NUP210L: variants seen among roughly 807,000 people sequenced by gnomAD.
NUP210L encodes the protein nuclear pore membrane glycoprotein 210-like.
In NUP210L, 74 loss-of-function variants were observed where a neutral mutation model predicts 208.5. The observed-to-expected ratio is 0.35, with a 90% CI of 0.29 to 0.43. NUP210L has a LOEUF of 0.43. Ranked by LOEUF, NUP210L falls within the 20% of genes least tolerant of loss-of-function variation. The pLI is 1.00. For synonymous variants in NUP210L, 780 were observed against 816.9 expected, an observed-to-expected ratio of 0.95 and a Z score of 0.77; for missense variants, 1,843 against 2,289.4, an observed-to-expected ratio of 0.81 and a Z score of 3.98.
intron 10 of NUP210L, among the ~76,000 whole-genome samples, chr1:154,122,059 A>C (rs1023109867): frequency 1.3e-5 from 2 of 152,188 alleles, no homozygotes; most frequent in African/African-American, 4.8e-5. Flanking sequence ...CAGAAAGAAA[A>C]CAAGAGAGAC....
At chr1:154,065,116 AAAATAAAATAAAAT>A (rs1654335398) in intron 17 of NUP210L, among the ~76,000 whole-genome samples, 1 of 147,920 alleles carries the variant, frequency 6.8e-6, no homozygotes, top group Non-Finnish European at 1.5e-5. Context: ...AAAATAAAAT[AAAATAAAATAAAAT>A]AAAATAAAAT....
chr1:154,102,723 G>A (rs1656530063), intron 13 of NUP210L, among the ~76,000 whole-genome samples: 1 of 152,136 alleles, frequency 6.6e-6, no homozygotes, highest in African/African-American at 2.4e-5. Context: ...GATCAAATAA[G>A]AAGTTCAATA....
chr1:154,150,143 G>C (rs1659310790), intron 2 of NUP210L, among the ~76,000 whole-genome samples: 1 of 152,194 alleles, frequency 6.6e-6, no homozygotes, highest in Admixed American at 6.5e-5. Flanking sequence ...GGGAGGCTGA[G>C]GCGGGCAGAT....
chr1:154,073,828 A>AT (rs1654897556), intron 16 of NUP210L, among the ~76,000 whole-genome samples: 1 of 149,750 alleles, frequency 6.7e-6, no homozygotes, highest in Non-Finnish European at 1.5e-5. Context: ...AAATAAATAA[A>AT]TAAATAAATA....
intron 7 of NUP210L, among the ~76,000 whole-genome samples, chr1:154,134,228 G>A (rs1207885124): frequency 3.3e-5 from 5 of 151,390 alleles, no homozygotes. Flanking sequence ...TGTATACCCA[G>A]AGCTTAGAAC....
intron 13 of NUP210L, among the ~76,000 whole-genome samples, chr1:154,100,850 T>A (rs369122985): frequency 6.6e-6 from 1 of 151,762 alleles, no homozygotes; most frequent in African/African-American, 2.4e-5. Context: ...GATTAAGCTA[T>A]GAAAATATAA....
intron 12 of NUP210L, among the ~76,000 whole-genome samples, chr1:154,105,630 T>G (rs1195614383): frequency 6.6e-6 from 1 of 152,190 alleles, no homozygotes; most frequent in African/African-American, 2.4e-5. Context: ...GAGCAGAGAC[T>G]TCTTCTGCTT....
At chr1:154,133,479 A>G (rs1015700745) in intron 7 of NUP210L, among the ~76,000 whole-genome samples, 1 of 150,574 alleles carries the variant, frequency 6.6e-6, no homozygotes, top group South Asian at 2.1e-4. Context: ...CAAGGCTACT[A>G]TGAGTTATGA....
chr1:154,152,177 A>G (rs1007727747), intron 2 of NUP210L, among the ~76,000 whole-genome samples: 7 of 126,824 alleles, frequency 5.5e-5, no homozygotes, highest in African/African-American at 9.0e-5. Flanking sequence ...ATTTTATTTT[A>G]TTTTGTTTTA....
At chr1:154,117,360 C>T (rs1001180729) in intron 12 of NUP210L, among the ~76,000 whole-genome samples, 9 of 152,106 alleles carry the variant, frequency 5.9e-5, no homozygotes, top group Non-Finnish European at 1.3e-4. Context: ...GCAGGCAGAT[C>T]ACCTGAGGTC....
chr1:154,014,725 C>A (rs912108108), intron 33 of NUP210L, among the ~76,000 whole-genome samples: 1 of 152,122 alleles, frequency 6.6e-6, no homozygotes, highest in Non-Finnish European at 1.5e-5. Flanking sequence ...AAGTTGGGGC[C>A]GGGTGCAGTG....
At chr1:154,022,376 A>T (rs754789226) in intron 31 of NUP210L, 33 bp from the exon 32 acceptor site, 1 of 1,552,914 alleles carries the variant, frequency 6.4e-7, no homozygotes, top group Admixed American at 1.7e-5. Flanking sequence ...GAAATCTTTA[A>T]AAAGAGACAA....
intron 37 of NUP210L, chr1:153,995,932 C>G: frequency 3.9e-6 from 2 of 509,216 alleles, no homozygotes; most frequent in South Asian, 3.0e-5. Flanking sequence ...GTGAAAGTGT[C>G]GAAGGCACAA....
chr1:154,064,547 C>T (rs140628037), intron 17 of NUP210L, among the ~76,000 whole-genome samples: 1 of 152,208 alleles, frequency 6.6e-6, no homozygotes, highest in Non-Finnish European at 1.5e-5. Flanking sequence ...GAGGTTAGGT[C>T]TCCCTGAAGC....
chr1:153,992,970 G>A (rs371401299), intron 39 of NUP210L, 35 bp from the exon 40 acceptor site: 6 of 1,606,372 alleles, frequency 3.7e-6, no homozygotes, highest in Admixed American at 1.7e-5. Context: ...TGAATTAAAC[G>A]TGTGTATCTG....
At chr1:154,040,274 A>G (rs1210940163) in intron 27 of NUP210L, among the ~76,000 whole-genome samples, 1 of 152,042 alleles carries the variant, frequency 6.6e-6, no homozygotes, top group Non-Finnish European at 1.5e-5. Flanking sequence ...GTGTAGTGGT[A>G]CACCCTGTAA....
chr1:154,126,741 A>C (rs1237265533), intron 9 of NUP210L, among the ~76,000 whole-genome samples: 1 of 152,188 alleles, frequency 6.6e-6, no homozygotes, highest in African/African-American at 2.4e-5. Flanking sequence ...ATAAATTGAC[A>C]GTTCTCAGGA....
At chr1:153,995,911 A>C in intron 37 of NUP210L, 1 of 535,682 alleles carries the variant, frequency 1.9e-6, no homozygotes, top group South Asian at 1.4e-5. Flanking sequence ...ATCGAGGAGC[A>C]GAAAATTGTT....
At chr1:154,069,025 C>A (rs375448260) in intron 17 of NUP210L, among the ~76,000 whole-genome samples, 1 of 152,022 alleles carries the variant, frequency 6.6e-6, no homozygotes, top group Non-Finnish European at 1.5e-5. Flanking sequence ...CCCTTCCTTA[C>A]GCCTTATACA....
Sources: gnomAD v4.1 joint callset for allele counts (sites outside exome capture counted in the v4.1 genomes callset) on GRCh38, gnomAD v4.1.1 for gene constraint, MANE v1.5 for transcripts, NCBI Gene and HGNC (gene_info 2026-07-23, HGNC 2026-07-21) for gene names.